ERI1: variants seen among roughly 807,000 people sequenced by gnomAD.
ERI1 encodes the protein 3'-5' exoribonuclease 1.
In ERI1, 39 loss-of-function variants were observed where a neutral mutation model predicts 39.7. The ratio of observed to expected loss-of-function variants is 0.98; its 90% CI spans 0.76 to 1.28. The LOEUF (loss-of-function observed/expected upper bound fraction) is 1.28, where lower values mean the gene tolerates loss of function less well. Ranked by LOEUF, ERI1 falls within the 50% of genes most tolerant of loss-of-function variation. The probability of loss-of-function intolerance (pLI) is 0.00; values close to 1 mark genes in which losing one functional copy is unlikely to be tolerated. For missense variants in ERI1, 581 were observed against 416.9 expected, an observed-to-expected ratio of 1.39 and a Z score of -3.43; for synonymous variants, 204 against 149.6, an observed-to-expected ratio of 1.36 and a Z score of -2.65.
intron 3 of ERI1, among the ~76,000 whole-genome samples, chr8:9,050,650 G>A (rs531963622): frequency 6.6e-6 from 1 of 152,280 alleles, no homozygotes; most frequent in Admixed American, 6.5e-5. Flanking sequence ...AAGCCAGTGA[G>A]CTTTGATGCG....
At chr8:9,061,549 C>T (rs1270736402) in intron 3 of ERI1, among the ~76,000 whole-genome samples, 1 of 152,184 alleles carries the variant, frequency 6.6e-6, no homozygotes, top group African/African-American at 2.4e-5. Context: ...GAGGGCTAGG[C>T]TAAAACAGTA....
intron 1 of ERI1, among the ~76,000 whole-genome samples, chr8:9,007,443 ATAT>A (rs1201121980): frequency 6.6e-6 from 1 of 152,218 alleles, no homozygotes; most frequent in East Asian, 1.9e-4. Context: ...AAATATTAGC[ATAT>A]TGTTTGTGAA....
intron 3 of ERI1, among the ~76,000 whole-genome samples, chr8:9,098,248 A>G (rs978684448): frequency 3.3e-5 from 5 of 152,224 alleles, no homozygotes; most frequent in Middle Eastern, 3.4e-3. Context: ...GGCCGAGCGC[A>G]GTGGCTCACG....
chr8:9,003,412 G>A (rs1287078170), intron 1 of ERI1, among the ~76,000 whole-genome samples: 1 of 152,226 alleles, frequency 6.6e-6, no homozygotes, highest in Non-Finnish European at 1.5e-5. Flanking sequence ...TCTACAGTGG[G>A]TTAACAGGTT....
rs1797538134 is a variant in ERI1, at chr8:9,030,845, C to T, written c.*811C>T. ...TAGACTGAAAATTAAGGGTCACCACCTAATTTTACTTTGTATTCAGTATCG... is the reference window on the plus strand; with the variant it reads ...TAGACTGAAAATTAAGGGTCACCACTTAATTTTACTTTGTATTCAGTATCG... On this transcript the variant is annotated 3_prime_UTR_variant, in exon 7 of 7. Transcript: ENST00000250263. 1 of 152,062 alleles carries T rather than the reference C, an allele frequency of 6.6e-6. No homozygotes were observed. Among genetic ancestry groups the T allele is most frequent in the Non-Finnish European group, 1.5e-5 (1 of 67,988 alleles). 9.4% of individuals were successfully genotyped at this position (152,062 alleles called of 1,614,324 possible).
chr8:9,075,395 G>C (rs1014139944), intron 3 of ERI1, among the ~76,000 whole-genome samples: 1 of 152,096 alleles, frequency 6.6e-6, no homozygotes, highest in African/African-American at 2.4e-5. Context: ...GATTACCGAG[G>C]AGTTTGTGTA....
At chr8:9,037,643 G>T (rs1470370156), downstream of ERI1, among the ~76,000 whole-genome samples, 3 of 152,094 alleles carry the variant, frequency 2.0e-5, no homozygotes, top group Non-Finnish European at 4.4e-5. Context: ...GTTAGTACCT[G>T]TTCCTGAAAT....
intron 5 of ERI1, among the ~76,000 whole-genome samples, chr8:9,019,041 C>G (rs1011387262): frequency 1.3e-5 from 2 of 152,154 alleles, no homozygotes; most frequent in Non-Finnish European, 2.9e-5. Context: ...GCAAGGAAAT[C>G]TAAAATTCTT....
At chr8:9,052,864 T>C (rs2117377415) in intron 3 of ERI1, among the ~76,000 whole-genome samples, 1 of 152,266 alleles carries the variant, frequency 6.6e-6, no homozygotes, top group East Asian at 1.9e-4. Context: ...GGCCCTTAAA[T>C]AGTTTCAGGA....
downstream of ERI1, among the ~76,000 whole-genome samples, chr8:9,034,680 A>G (rs1214727545): frequency 1.3e-5 from 2 of 152,180 alleles, no homozygotes; most frequent in Non-Finnish European, 2.9e-5. Context: ...AATTAGGGCA[A>G]TTAATAAGCC....
At chr8:9,015,928 T>C (rs1200100967) in intron 3 of ERI1, among the ~76,000 whole-genome samples, 1 of 152,144 alleles carries the variant, frequency 6.6e-6, no homozygotes, top group Admixed American at 6.5e-5. Context: ...TAAAGCTAAT[T>C]TATTATAACT....
intron 3 of ERI1, among the ~76,000 whole-genome samples, chr8:9,054,752 C>T (rs935809304): frequency 6.6e-6 from 1 of 152,188 alleles, no homozygotes; most frequent in African/African-American, 2.4e-5. Flanking sequence ...TGACAAAACC[C>T]CATTTCTACT....
At chr8:9,018,551 C>G (rs1208804475) in intron 5 of ERI1, 145 bp downstream of exon 5, 4 of 535,236 alleles carry the variant, frequency 7.5e-6, no homozygotes, top group Admixed American at 6.2e-5. Flanking sequence ...TTCCTTTCAC[C>G]TAAGGATGAA....
At chr8:9,010,555 T>TA (rs1816556083) in intron 2 of ERI1, among the ~76,000 whole-genome samples, 1 of 152,144 alleles carries the variant, frequency 6.6e-6, no homozygotes, top group African/African-American at 2.4e-5. Context: ...GAAAGGAAAA[T>TA]AAAAGACTAA....
chr8:9,066,176 C>T (rs147604316), intron 3 of ERI1, among the ~76,000 whole-genome samples: 211 of 152,328 alleles, frequency 1.4e-3, no homozygotes, highest in African/African-American at 4.0e-3. Flanking sequence ...TCCTCCCCAC[C>T]TTCTTCCTCT....
intron 1 of ERI1, among the ~76,000 whole-genome samples, chr8:9,004,484 ACTTT>A (rs1488838551): frequency 7.8e-5 from 8 of 102,304 alleles, no homozygotes; most frequent in Non-Finnish European, 1.3e-4. Context: ...TTATAGTGAT[ACTTT>A]TTTTTTTTTT....
At chr8:9,059,026 TA>T (rs1281268333) in intron 3 of ERI1, among the ~76,000 whole-genome samples, 5 of 151,482 alleles carry the variant, frequency 3.3e-5, no homozygotes, top group African/African-American at 9.7e-5. Flanking sequence ...CGAAGGGAGA[TA>T]GGGGTGGGGC....
intron 3 of ERI1, among the ~76,000 whole-genome samples, chr8:9,040,621 G>C (rs1046289714): frequency 5.9e-5 from 9 of 152,216 alleles, no homozygotes; most frequent in Middle Eastern, 3.4e-3. Context: ...TTTCAAGGTG[G>C]CCCTAGGGTT....
At chr8:9,039,061 T>C (rs868056882) in intron 3 of ERI1, among the ~76,000 whole-genome samples, 3 of 152,324 alleles carry the variant, frequency 2.0e-5, no homozygotes, top group Middle Eastern at 3.4e-3. Context: ...CTTTTAGAAG[T>C]GTTTACTTAG....
Sources: gnomAD v4.1 joint callset for allele counts (sites outside exome capture counted in the v4.1 genomes callset) on GRCh38, gnomAD v4.1.1 for gene constraint, MANE v1.5 for transcripts, NCBI Gene and HGNC (gene_info 2026-07-23, HGNC 2026-07-21) for gene names.